Variants in KPNA1 observed in about 807,000 individuals in gnomAD.
The protein encoded by KPNA1 is importin subunit alpha-5.
Under a neutral mutation model 70.5 loss-of-function variants are expected in KPNA1, and 10 were observed. The ratio of observed to expected loss-of-function variants is 0.14; its 90% CI spans 0.09 to 0.24. The LOEUF (loss-of-function observed/expected upper bound fraction) is 0.24, where lower values mean the gene tolerates loss of function less well. KPNA1 is among the 10% of genes least tolerant of loss of function. The pLI, the probability that KPNA1 is intolerant of heterozygous loss-of-function variation, is 1.00. For synonymous variants in KPNA1, 192 were observed against 221.9 expected (o/e 0.87, Z 1.20); for missense variants, 397 against 637.9 (o/e 0.62, Z 4.07).
intron 9 of KPNA1, 81 bp downstream of exon 9, chr3:122,449,493 C>G: frequency 2.8e-6 from 3 of 1,089,676 alleles, no homozygotes; most frequent in Non-Finnish European, 4.0e-6. Flanking sequence ...CATGTACAAT[C>G]CATTAATATT....
intron 1 of KPNA1, among the ~76,000 whole-genome samples, chr3:122,511,335 G>A (rs2076952829): frequency 6.6e-6 from 1 of 152,076 alleles, no homozygotes; most frequent in Non-Finnish European, 1.5e-5. Context: ...TGAGTAAGCA[G>A]ACTTATCTTT....
intron 1 of KPNA1, among the ~76,000 whole-genome samples, chr3:122,499,352 T>C (rs2076798900): frequency 1.3e-5 from 2 of 152,226 alleles, no homozygotes; most frequent in African/African-American, 4.8e-5. Context: ...GCTGAGAAGT[T>C]CCCTCTTATT....
chr3:122,426,259 T>C lies in KPNA1; in HGVS notation c.*726A>G, dbSNP rs1286682053. On this transcript the variant is annotated 3_prime_UTR_variant, in exon 14 of 14. Transcript: ENST00000344337. Reference sequence around the variant, plus strand: ...CGATACAAATTAATATGTGCCCCTCTCCTTTCTGCTCTAAGGGAATCTACA... The same window carrying C: ...CGATACAAATTAATATGTGCCCCTCCCCTTTCTGCTCTAAGGGAATCTACA... The C allele has an allele frequency of 6.6e-6, 1 of 152,628 alleles. No individual in the cohort carries two copies. The highest frequency in any genetic ancestry group is 2.4e-5 in the African/African-American group (1 of 41,448). 9.5% of individuals were successfully genotyped at this position (152,628 alleles called of 1,614,324 possible).
At chr3:122,496,710 C>A in intron 1 of KPNA1, 140 bp from the exon 2 acceptor site, 1 of 692,042 alleles carries the variant, frequency 1.4e-6, no homozygotes, top group Non-Finnish European at 2.4e-6. Context: ...TCCCCCACTC[C>A]TGTCTTTTTT....
At chr3:122,460,238 T>A (rs2076308854) in intron 5 of KPNA1, 3 of 985,320 alleles carry the variant, frequency 3.0e-6, no homozygotes, top group Non-Finnish European at 3.6e-6. Flanking sequence ...TACTAAAAAA[T>A]CATCAGTTTC....
chr3:122,486,172 G>A (rs1156569065), intron 2 of KPNA1, among the ~76,000 whole-genome samples: 1 of 152,170 alleles, frequency 6.6e-6, no homozygotes, highest in East Asian at 1.9e-4. Context: ...AGCTGTCCAC[G>A]AGTGTTCCTA....
intron 9 of KPNA1, among the ~76,000 whole-genome samples, chr3:122,449,195 T>C (rs1030276634): frequency 1.3e-5 from 2 of 152,202 alleles, no homozygotes; most frequent in African/African-American, 4.8e-5. Flanking sequence ...CAAAATAAGA[T>C]TGAATTTCTG....
chr3:122,467,309 T>C lies in KPNA1; in HGVS notation c.237+13A>G. On this transcript the variant is annotated intron_variant, in intron 3 of 13. Coordinates refer to ENST00000344337, the MANE Select transcript of KPNA1 (RefSeq NM_002264.4). ...TTCATCACAAAAACACTGAAAAGAG[T>C]TCATTATCTTACTGGTGCCATCTCC... The C allele has an allele frequency of 1.5e-6, 2 of 1,369,476 alleles. No homozygotes were observed. Among genetic ancestry groups the C allele is most frequent in the Non-Finnish European group, 1.0e-6 (1 of 965,910 alleles). The allele number at this position is 1,369,476 out of a possible 1,614,324, so 84.8% of individuals were successfully genotyped here. A position where few individuals can be genotyped will look rare whatever the true frequency, so the allele number is the denominator to read the frequency against.
Position 122,438,383 on chromosome 3 carries a change from CT to C in KPNA1, c.997-1089del, listed in dbSNP as rs1244333062. On this transcript the variant is annotated intron_variant, in intron 10 of 13. Coordinates refer to ENST00000344337, the MANE Select transcript of KPNA1 (RefSeq NM_002264.4). ...ATAAACTACTCAGTCTTCGGTATTT[CT>C]TTTTTGTTTTTTTTTTTTTGAGACA... Among the ~76,000 whole-genome samples, 26 of 145,782 alleles carry C rather than the reference CT, an allele frequency of 1.8e-4. No homozygotes were observed. In the South Asian group the frequency reaches 2.8e-3, roughly 16 times the overall value.
At chr3:122,429,606 A>G (rs533050576) in intron 12 of KPNA1, among the ~76,000 whole-genome samples, 277 of 152,308 alleles carry the variant, frequency 1.8e-3, no homozygotes, top group Non-Finnish European at 3.2e-3. Context: ...ACAAGACTCA[A>G]TATTGTTAAG....
chr3:122,488,686 T>C (rs765770795), intron 2 of KPNA1, among the ~76,000 whole-genome samples: 57 of 152,362 alleles, frequency 3.7e-4, no homozygotes, highest in Non-Finnish European at 6.3e-4. Flanking sequence ...GACAGTTTCC[T>C]TAAACGATTC....
At chr3:122,480,391 A>C (rs1323987376) in intron 2 of KPNA1, among the ~76,000 whole-genome samples, 1 of 152,174 alleles carries the variant, frequency 6.6e-6, no homozygotes, top group Non-Finnish European at 1.5e-5. Flanking sequence ...AGAGCATATA[A>C]GAAATCTCTG....
intron 1 of KPNA1, among the ~76,000 whole-genome samples, chr3:122,507,216 G>T (rs751309057): frequency 2.0e-5 from 3 of 152,114 alleles, no homozygotes. Context: ...CAAGGCGGGC[G>T]GATCACCAGA....
At chr3:122,462,833 A>C (rs529562715) in intron 4 of KPNA1, among the ~76,000 whole-genome samples, 1 of 152,308 alleles carries the variant, frequency 6.6e-6, no homozygotes, top group African/African-American at 2.4e-5. Context: ...GGGTTTAAGT[A>C]TTTACTACCA....
At chr3:122,470,161 G>A (rs2076424664) in intron 2 of KPNA1, among the ~76,000 whole-genome samples, 1 of 152,102 alleles carries the variant, frequency 6.6e-6, no homozygotes, top group Non-Finnish European at 1.5e-5. Context: ...TAGCAACAAT[G>A]CATTTGATTA....
At chr3:122,466,060 G>A (rs1001422412) in intron 3 of KPNA1, among the ~76,000 whole-genome samples, 1 of 152,070 alleles carries the variant, frequency 6.6e-6, no homozygotes, top group Non-Finnish European at 1.5e-5. Context: ...GGAAAGACTG[G>A]CTTTCTGAAG....
In KPNA1 at chr3:122,449,039, T is replaced by G. The variant is rs149687810; in HGVS notation, c.917+535A>C. Among the ~76,000 whole-genome samples, 41 of 152,358 alleles carry G rather than the reference T, an allele frequency of 2.7e-4. No individual in the cohort carries two copies. In the East Asian group the frequency reaches 7.7e-3, roughly 29 times the overall value. On this transcript the variant is annotated intron_variant, in intron 9 of 13. Coordinates refer to ENST00000344337, the MANE Select transcript of KPNA1 (RefSeq NM_002264.4). ...TTTGTACTTTAAATCTCCCATACCTTGTAACTGTACCATTTCTCCATTATG... is the reference window on the plus strand; with the variant it reads ...TTTGTACTTTAAATCTCCCATACCTGGTAACTGTACCATTTCTCCATTATG...
intron 2 of KPNA1, among the ~76,000 whole-genome samples, chr3:122,475,187 C>T (rs1051939338): frequency 1.2e-4 from 19 of 152,042 alleles, no homozygotes; most frequent in Admixed American, 5.9e-4. Context: ...TAAACAAAAA[C>T]GTGTAGCATT....
intron 2 of KPNA1, among the ~76,000 whole-genome samples, chr3:122,479,731 G>T (rs1311895660): frequency 6.6e-6 from 1 of 152,136 alleles, no homozygotes; most frequent in Non-Finnish European, 1.5e-5. Context: ...CTGCACTCTA[G>T]CCTAGGCGAC....
Sources: allele counts gnomAD v4.1 joint callset (sites outside exome capture counted in the v4.1 genomes callset), GRCh38; gene constraint gnomAD v4.1.1; transcripts MANE v1.5; gene names NCBI Gene and HGNC (gene_info 2026-07-23, HGNC 2026-07-21).